Variants in CYP24A1 observed in about 807,000 individuals in gnomAD.
CYP24A1 encodes 1,25-dihydroxyvitamin D(3) 24-hydroxylase, mitochondrial.
Under a neutral mutation model 62.4 loss-of-function variants are expected in CYP24A1, and 68 were observed. The ratio of observed to expected loss-of-function variants is 1.09; its 90% confidence interval spans 0.90 to 1.33. CYP24A1 has a LOEUF of 1.33. Among genes scored for constraint, CYP24A1 ranks in the 40% most tolerant of loss-of-function variants. CYP24A1 has a pLI of 0.00. For missense variants in CYP24A1, 787 were observed against 653.0 expected, an observed-to-expected ratio of 1.21 and a Z score of -2.24; for synonymous variants, 267 against 253.0, an observed-to-expected ratio of 1.06 and a Z score of -0.52.
At chr20:54,171,883 T>C (rs2092695357) in intron 2 of CYP24A1, 30 of 1,215,166 alleles carry the variant, frequency 2.5e-5, no homozygotes, top group Non-Finnish European at 3.1e-5. Context: ...AAAGCACCTT[T>C]CCTCCTAGTC....
At chr20:54,162,568 G>A (rs1409405577) in intron 7 of CYP24A1, 149 bp downstream of exon 7, 4 of 690,816 alleles carry the variant, frequency 5.8e-6, no homozygotes, top group Admixed American at 2.1e-5. Context: ...CGGAGGCACC[G>A]TGGCATCTAG....
chr20:54,169,134 C>A (rs988478171), intron 4 of CYP24A1, among the ~76,000 whole-genome samples: 1 of 151,832 alleles, frequency 6.6e-6, no homozygotes, highest in African/African-American at 2.4e-5. Context: ...CTGGGCTGGC[C>A]TCAAGCGATC....
the CYP24A1 span, among the ~76,000 whole-genome samples, chr20:54,148,187 C>CT: frequency 5.0e-3 from 744 of 147,986 alleles, 2 homozygotes; most frequent in African/African-American, 0.016. Context: ...CTTTTCTTTT[C>CT]TTTTTTTTTT....
chr20:54,170,801 T>C (rs2092691332), intron 3 of CYP24A1, among the ~76,000 whole-genome samples: 1 of 152,096 alleles, frequency 6.6e-6, no homozygotes. Context: ...AGCTTCTGAG[T>C]TTGCAATCCT....
chr20:54,145,106 T>C, the CYP24A1 span, among the ~76,000 whole-genome samples: 1 of 152,174 alleles, frequency 6.6e-6, no homozygotes, highest in Non-Finnish European at 1.5e-5. Context: ...TATCCTAAAT[T>C]CATTCTAGGT....
Position 54,170,505 on chromosome 20 carries a change from G to A in CYP24A1, c.544-817C>T, listed in dbSNP as rs535987996. 2.6e-5 allele frequency among the ~76,000 whole-genome samples: 4 copies of A among 152,238 alleles called. No homozygotes were observed. The South Asian group carries it at 8.3e-4, about 32-fold the overall frequency. On this transcript the variant is annotated intron_variant, in intron 3 of 11. Coordinates refer to ENST00000216862, the MANE Select transcript of CYP24A1 (RefSeq NM_000782.5). ...CATACAGCCCACATGTGTGGATTTA[G>A]TTTGCAAGTTTAATTTGCCCGCATA...
chr20:54,150,892 A>G (rs1215235974), downstream of CYP24A1, among the ~76,000 whole-genome samples: 2 of 152,236 alleles, frequency 1.3e-5, no homozygotes, highest in African/African-American at 4.8e-5. Flanking sequence ...CTCCCTTTAC[A>G]GGGGCAGAAC....
chr20:54,165,531 C>T (rs1012547035), intron 5 of CYP24A1, among the ~76,000 whole-genome samples: 5 of 152,286 alleles, frequency 3.3e-5, no homozygotes, highest in East Asian at 3.9e-4. Context: ...TTGTCTTCCA[C>T]GAAACTGGTC....
intron 4 of CYP24A1, among the ~76,000 whole-genome samples, chr20:54,168,663 GTTAT>G (rs1254940685): frequency 6.6e-6 from 1 of 151,928 alleles, no homozygotes; most frequent in Admixed American, 6.6e-5. Context: ...ATTCTTTCAT[GTTAT>G]TTCTTTCTCT....
downstream of CYP24A1, among the ~76,000 whole-genome samples, chr20:54,152,475 C>T (rs1487590183): frequency 2.6e-5 from 4 of 152,184 alleles, no homozygotes; most frequent in African/African-American, 7.2e-5. Flanking sequence ...TAATGAATCC[C>T]GGTGCTGGGG....
the CYP24A1 span, among the ~76,000 whole-genome samples, chr20:54,146,909 G>A: frequency 5.3e-5 from 8 of 152,314 alleles, no homozygotes; most frequent in Non-Finnish European, 1.2e-4. Flanking sequence ...AAGCATAAGT[G>A]ATATTAATCA....
At position 54,162,801 on chromosome 20, in the gene CYP24A1, A is replaced by C. The variant is rs1186772746; in HGVS notation, c.906T>G (p.Leu302=). 6.4e-7 allele frequency: 1 copy of C among 1,555,634 alleles called. No homozygotes were observed. Among genetic ancestry groups the C allele is most frequent in the East Asian group, 2.2e-5 (1 of 44,616 alleles). ...GCCGATTCTGGTGATAAATGTCACA[A>C]AGGAAATCTGCACTAGGCTGCTGAG... ...KYSQQPSADF[L]CDIYHQNRLS... The change falls in exon 7 of 12, where the codon CTT becomes CTG. Residue 302 remains leucine (L), a synonymous_variant. Transcript: ENST00000216862.
downstream of CYP24A1, among the ~76,000 whole-genome samples, chr20:54,150,863 A>G (rs1033926905): frequency 6.6e-6 from 1 of 152,240 alleles, no homozygotes; most frequent in Non-Finnish European, 1.5e-5. Context: ...CCTCAATCAG[A>G]GAGGCAAAAG....
At chr20:54,152,956 T>G (rs1308906389), downstream of CYP24A1, among the ~76,000 whole-genome samples, 1 of 152,238 alleles carries the variant, frequency 6.6e-6, no homozygotes, top group Non-Finnish European at 1.5e-5. Flanking sequence ...TTGTCAGTAT[T>G]GCTCCCAGCC....
At chr20:54,147,251 A>G in the CYP24A1 span, among the ~76,000 whole-genome samples, 1 of 152,252 alleles carries the variant, frequency 6.6e-6, no homozygotes, top group Admixed American at 6.5e-5. Context: ...AGGTTATAGA[A>G]AAGGACTAAA....
chr20:54,157,640 T>C lies in CYP24A1; in HGVS notation c.1237-55A>G. 3 of 1,025,074 alleles carry C rather than the reference T, an allele frequency of 2.9e-6. No individual in the cohort carries two copies. In the South Asian group the frequency reaches 3.8e-5, roughly 13 times the overall value. 63.5% of individuals were successfully genotyped at this position (1,025,074 alleles called of 1,614,324 possible). ...AAAATAACCAGAAGAGACCTTTGAA[T>C]GGCAAAATTGACACAAGTTGTCACC... On this transcript the variant is annotated intron_variant, in intron 9 of 11. Coordinates refer to ENST00000216862, the MANE Select transcript of CYP24A1 (RefSeq NM_000782.5).
Position 54,173,070 on chromosome 20 carries a change from A to C in CYP24A1, c.288T>G (p.Ile96Met). 6.2e-7 allele frequency: 1 copy of C among 1,605,422 alleles called. No individual in the cohort carries two copies. Among genetic ancestry groups the C allele is most frequent in the Non-Finnish European group, 8.5e-7 (1 of 1,179,974 alleles). Reference protein sequence around the residue: ...LVEYHKKYGKIFRMKLGSFES... With the variant: ...LVEYHKKYGKMFRMKLGSFES... The stretch of plus-strand genomic sequence containing the variant: ...CAAAGGAACCCAACTTCATGCGGAA[A>C]ATCTTGCCATACTTCTTGTGGTACT... Residue 96 changes from isoleucine to methionine, a missense_variant, in exon 2 of 12, where the codon ATT (isoleucine) becomes ATG (methionine). Physicochemically the swap from Ile to Met is conservative, Grantham distance 10. Coordinates refer to ENST00000216862, the MANE Select transcript of CYP24A1 (RefSeq NM_000782.5). This position sits in a 1 kb window ranked among gnomAD's most constrained non-coding sequence, Gnocchi z 7.2.
chr20:54,162,502 C>T (rs904867563), intron 7 of CYP24A1: 1 of 559,890 alleles, frequency 1.8e-6, no homozygotes, highest in African/African-American at 1.9e-5. Flanking sequence ...CATGGAGGCA[C>T]CGTGGCGTCT....
At chr20:54,165,052 A>T (rs1212837046) in intron 5 of CYP24A1, among the ~76,000 whole-genome samples, 2 of 152,250 alleles carry the variant, frequency 1.3e-5, no homozygotes, top group African/African-American at 4.8e-5. Flanking sequence ...AACCTTGCCT[A>T]AACAAAGAAA....
Sources: gnomAD v4.1 joint callset for allele counts (sites outside exome capture counted in the v4.1 genomes callset) on GRCh38, gnomAD v4.1.1 for gene constraint, Gnocchi (gnomAD v3.1) non-coding constraint, MANE v1.5 for transcripts, NCBI Gene and HGNC (gene_info 2026-07-23, HGNC 2026-07-21) for gene names.